The following KLHL1 variants were observed in gnomAD, a reference collection of about 807,000 sequenced individuals.
KLHL1 encodes kelch-like protein 1.
In KLHL1, 47 loss-of-function variants were observed where a neutral mutation model predicts 77.7. The ratio of observed to expected loss-of-function variants is 0.60; its 90% CI spans 0.48 to 0.77. The LOEUF (loss-of-function observed/expected upper bound fraction) is 0.77. Among genes scored for constraint, KLHL1 ranks in the 30% least tolerant of loss-of-function variants. The pLI is 0.00. For missense variants in KLHL1, 925 were observed against 910.8 expected (o/e 1.02, Z -0.20); for synonymous variants, 360 against 325.2 (o/e 1.11, Z -1.15).
In KLHL1 at chr13:69,785,463, C is replaced by CAAAG. The variant is rs561688475; in HGVS notation, c.1639+11271_1639+11274dup. 1.1e-4 allele frequency among the ~76,000 whole-genome samples: 17 copies of CAAAG among 152,160 alleles called. No individual in the cohort carries two copies. The South Asian group carries it at 3.1e-3, about 28-fold the overall frequency. ...AGATGTTCTTTGAAACCTATGAGAA[C>CAAAG]AAAGACACAACACACCAGAATCTCT... On this transcript the variant is annotated intron_variant, in intron 7 of 10. Transcript: ENST00000377844.
chr13:69,949,503 G>A (rs1593978960), intron 3 of KLHL1, among the ~76,000 whole-genome samples: 2 of 151,724 alleles, frequency 1.3e-5, no homozygotes, highest in East Asian at 1.9e-4. Context: ...TCTTGATCAC[G>A]TGCGGAGGTA....
intron 8 of KLHL1, among the ~76,000 whole-genome samples, chr13:69,732,476 G>T (rs1873588635): frequency 6.6e-6 from 1 of 151,908 alleles, no homozygotes; most frequent in Admixed American, 6.6e-5. Flanking sequence ...TTTTTAAGCT[G>T]TTGTCTCTCA....
chr13:69,931,297 AT>A (rs1166533328), intron 4 of KLHL1, among the ~76,000 whole-genome samples: 4 of 151,754 alleles, frequency 2.6e-5, no homozygotes, highest in African/African-American at 9.7e-5. Context: ...GAAATAGTTC[AT>A]TTTGCTGAAA....
chr13:69,982,173 C>A (rs1007106432), intron 1 of KLHL1, among the ~76,000 whole-genome samples: 4 of 151,854 alleles, frequency 2.6e-5, no homozygotes, highest in Non-Finnish European at 5.9e-5. Context: ...GTGGCTCATG[C>A]CTGTAATCCT....
rs34668618 is a variant in KLHL1 at position 69,954,800 on chromosome 13, T to TACAC, written c.817+6504_817+6507dup. ...TTTCATACGATAGTACTAAATGTTTTACACACACACACACACACATTTTAA... is the reference window on the plus strand; with the variant it reads ...TTTCATACGATAGTACTAAATGTTTTACACACACACACACACACACACATTTTAA... On this transcript the variant is annotated intron_variant, in intron 3 of 10. Transcript: ENST00000377844. Among the ~76,000 whole-genome samples the TACAC allele has an allele frequency of 3.4e-3, 505 of 149,570 alleles. 3 individuals carry two copies. Among genetic ancestry groups the TACAC allele is most frequent in the Admixed American group, 8.6e-3 (128 of 14,920 alleles).
At chr13:69,924,493 A>G (rs1882749644) in intron 4 of KLHL1, among the ~76,000 whole-genome samples, 1 of 152,150 alleles carries the variant, frequency 6.6e-6, no homozygotes, top group South Asian at 2.1e-4. Context: ...CTGAACACTC[A>G]TTGGGACACC....
At chr13:70,010,445 TG>T (rs2137337131) in intron 1 of KLHL1, among the ~76,000 whole-genome samples, 1 of 152,230 alleles carries the variant, frequency 6.6e-6, no homozygotes, top group East Asian at 1.9e-4. Flanking sequence ...ATATAGAATA[TG>T]ACTGAAAGAG....
chr13:69,989,032 A>G (rs181125977), intron 1 of KLHL1, among the ~76,000 whole-genome samples: 56 of 152,090 alleles, frequency 3.7e-4, no homozygotes, highest in Non-Finnish European at 6.5e-4. Flanking sequence ...GAAATCTTTG[A>G]GAGTTTCTAT....
intron 1 of KLHL1, among the ~76,000 whole-genome samples, chr13:70,009,669 T>C (rs905957193): frequency 5.9e-5 from 9 of 152,156 alleles, no homozygotes; most frequent in African/African-American, 2.2e-4. Flanking sequence ...AGACAACCTG[T>C]CTCCATGTGA....
intron 1 of KLHL1, among the ~76,000 whole-genome samples, chr13:70,016,240 C>G (rs1385526902): frequency 6.6e-6 from 1 of 152,234 alleles, no homozygotes; most frequent in African/African-American, 2.4e-5. Context: ...TGACACACAC[C>G]AGCTGCAGTG....
intron 5 of KLHL1, among the ~76,000 whole-genome samples, chr13:69,840,423 C>T (rs1281143833): frequency 6.6e-6 from 1 of 151,844 alleles, no homozygotes; most frequent in African/African-American, 2.4e-5. Context: ...AGAGTTTCAC[C>T]ATGTCGGCCA....
intron 6 of KLHL1, among the ~76,000 whole-genome samples, chr13:69,815,951 T>C (rs1184827168): frequency 6.6e-6 from 1 of 151,676 alleles, no homozygotes; most frequent in Non-Finnish European, 1.5e-5. Context: ...TTTTAAGAAA[T>C]ATGAAAAGGC....
At chr13:69,817,822 G>A (rs1878179786) in intron 6 of KLHL1, among the ~76,000 whole-genome samples, 1 of 152,056 alleles carries the variant, frequency 6.6e-6, no homozygotes, top group African/African-American at 2.4e-5. Flanking sequence ...TTATAATTAT[G>A]GTAGGCCTTT....
chr13:69,977,439 T>C (rs1884576366), intron 1 of KLHL1, among the ~76,000 whole-genome samples: 1 of 151,836 alleles, frequency 6.6e-6, no homozygotes, highest in Non-Finnish European at 1.5e-5. Context: ...GTATGAAAAA[T>C]AAATTAATAG....
intron 1 of KLHL1, among the ~76,000 whole-genome samples, chr13:70,104,307 G>A (rs1887994822): frequency 6.6e-6 from 1 of 152,160 alleles, no homozygotes; most frequent in African/African-American, 2.4e-5. Flanking sequence ...GATGCAGGTA[G>A]TGAGCATTTA....
rs959625048 is a variant in KLHL1 at position 70,073,136 on chromosome 13, G to A, written c.497+34067C>T. Among the ~76,000 whole-genome samples the A allele has an allele frequency of 5.9e-5, 9 of 152,006 alleles. 1 individual carries two copies. Among genetic ancestry groups the A allele is most frequent in the African/African-American group, 1.7e-4 (7 of 41,354 alleles). ...GTATGTTTATTGCAGCACTATTCAC[G>A]ATAGCAGACTTGGAACCAACCCAAA... is the stretch of plus-strand genomic sequence containing the variant. On this transcript the variant is annotated intron_variant, in intron 1 of 10. Coordinates refer to ENST00000377844, the MANE Select transcript of KLHL1 (RefSeq NM_020866.3).
Position 69,878,199 on chromosome 13 carries a change from G to T in KLHL1, c.1227+4084C>A, listed in dbSNP as rs377068180. On this transcript the variant is annotated intron_variant, in intron 5 of 10. Coordinates refer to ENST00000377844, the MANE Select transcript of KLHL1 (RefSeq NM_020866.3). The stretch of plus-strand genomic sequence containing the variant: ...ATCATAGCTACTCCTTGCTATAAAA[G>T]TACTTACAGATTACATGGTTTAACA... 3.3e-5 allele frequency among the ~76,000 whole-genome samples: 5 copies of T among 152,104 alleles called. No homozygotes were observed. The East Asian group carries it at 9.7e-4, about 29-fold the overall frequency.
chr13:69,715,135 C>T (rs553423299), intron 9 of KLHL1, among the ~76,000 whole-genome samples: 8 of 152,246 alleles, frequency 5.3e-5, no homozygotes, highest in South Asian at 4.2e-4. Context: ...TATCAGCTAA[C>T]GATTGCTGCA....
chr13:69,780,714 A>G lies in KLHL1; in HGVS notation c.1639+16024T>C, dbSNP rs1183299408. On this transcript the variant is annotated intron_variant, in intron 7 of 10. Coordinates refer to ENST00000377844, the MANE Select transcript of KLHL1 (RefSeq NM_020866.3). ...TATATATATATATGTATATATATAT[A>G]TGTATATATATATATATACATATAT... Among the ~76,000 whole-genome samples, 11 of 35,530 alleles carry G rather than the reference A, an allele frequency of 3.1e-4. 2 individuals carry two copies. Among genetic ancestry groups the G allele is most frequent in the East Asian group, 1.9e-3 (2 of 1,028 alleles). 23.3% of individuals were successfully genotyped at this position (35,530 alleles called of 152,430 possible). A position where few individuals can be genotyped will look rare whatever the true frequency, so the allele number is the denominator to read the frequency against.
Sources: allele counts gnomAD v4.1 joint callset (sites outside exome capture counted in the v4.1 genomes callset), GRCh38; gene constraint gnomAD v4.1.1; transcripts MANE v1.5; gene names NCBI Gene and HGNC (gene_info 2026-07-23, HGNC 2026-07-21).